RYR3: variants seen among roughly 807,000 people sequenced by gnomAD.
The protein encoded by RYR3 is ryanodine receptor 3.
A neutral mutation model predicts 584.3 loss-of-function variants in RYR3; 207 were observed. The ratio of observed to expected loss-of-function variants is 0.35; its 90% CI spans 0.32 to 0.40. The LOEUF (loss-of-function observed/expected upper bound fraction) is 0.40. Among genes scored for constraint, RYR3 ranks in the 10% least tolerant of loss-of-function variants. The pLI is 1.00. For synonymous variants in RYR3, 2,416 were observed against 2,248.5 expected (o/e 1.07, Z -2.11); for missense variants, 5,616 against 6,089.2 (o/e 0.92, Z 2.59).
rs749674166 is a variant in RYR3, at chr15:33,771,979, A to G, written c.8876A>G (p.Asn2959Ser). ...VKAGLRAFFE[N>S]AAEDLEKTSE... ...GCTGGGTTACGAGCATTCTTTGAAA[A>G]TGCTGCAGAAGATTTGGAGAAGACT... The change falls in exon 63 of 104, where the codon AAT (asparagine) becomes AGT (serine). Residue 2959 changes from asparagine (N) to serine (S), a missense_variant. By Grantham distance (46) the Asn-to-Ser change is conservative. This residue lies in a region of RYR3 where 954 missense variants were observed against 1,132.2 expected (regional missense o/e 0.84). Transcript: ENST00000634891. 50 of 1,613,538 alleles carry G rather than the reference A, an allele frequency of 3.1e-5. No homozygotes were observed. The highest frequency in any genetic ancestry group is 4.0e-5 in the African/African-American group (3 of 74,936).
At chr15:33,780,428 C>A in intron 65 of RYR3, 87 bp downstream of exon 65, 1 of 1,406,108 alleles carries the variant, frequency 7.1e-7, no homozygotes, top group Non-Finnish European at 9.8e-7. Flanking sequence ...AGCCCTGCAG[C>A]ACTGTGGCTT....
At chr15:33,420,052 T>C (rs544141713) in intron 1 of RYR3, among the ~76,000 whole-genome samples, 20 of 152,234 alleles carry the variant, frequency 1.3e-4, no homozygotes, top group African/African-American at 4.8e-4. Context: ...AAGACTGTTA[T>C]GATGCCTCTA....
chr15:33,598,786 G>T (rs1285051171), intron 16 of RYR3, among the ~76,000 whole-genome samples: 1 of 151,936 alleles, frequency 6.6e-6, no homozygotes, highest in Non-Finnish European at 1.5e-5. Context: ...GGGTGCAGTG[G>T]CTCACGCCTG....
chr15:33,595,369 T>C (rs2059321691), intron 16 of RYR3, among the ~76,000 whole-genome samples: 1 of 152,208 alleles, frequency 6.6e-6, no homozygotes, highest in Admixed American at 6.5e-5. Context: ...GTAAGCCTTT[T>C]GTAACCTTTA....
Position 33,707,009 on chromosome 15 carries a change from G to A in RYR3, c.6574G>A (p.Gly2192Arg). 1 of 1,614,010 alleles carries A rather than the reference G, an allele frequency of 6.2e-7. No homozygotes were observed. Among genetic ancestry groups the A allele is most frequent in the Non-Finnish European group, 8.5e-7 (1 of 1,179,938 alleles). ...YPDVGWNPIE[G>R]ERYLSFLRFA... The stretch of plus-strand genomic sequence containing the variant: ...TGATGTCGGCTGGAACCCCATTGAA[G>A]GGGAACGCTACCTGTCCTTCCTGAG... Residue 2192 changes from glycine to arginine, a missense_variant, in exon 43 of 104, where the codon GGG (glycine) becomes AGG (arginine). This residue lies in a region of RYR3 where 1,280 missense variants were observed against 1,426.2 expected (regional missense o/e 0.90). Coordinates refer to ENST00000634891, the MANE Select transcript of RYR3 (RefSeq NM_001036.6).
chr15:33,571,212 C>G (rs2058010806), intron 12 of RYR3, among the ~76,000 whole-genome samples: 1 of 152,188 alleles, frequency 6.6e-6, no homozygotes, highest in Admixed American at 6.5e-5. Flanking sequence ...GCGATATTGA[C>G]TGTAGGGTTT....
intron 51 of RYR3, among the ~76,000 whole-genome samples, chr15:33,741,826 G>T (rs2070163749): frequency 6.6e-6 from 1 of 152,084 alleles, no homozygotes; most frequent in South Asian, 2.1e-4. Flanking sequence ...GTGTTAGCCA[G>T]GATGGTCTCG....
At chr15:33,707,964 C>A (rs1000175393) in intron 43 of RYR3, among the ~76,000 whole-genome samples, 1 of 152,152 alleles carries the variant, frequency 6.6e-6, no homozygotes, top group Non-Finnish European at 1.5e-5. Flanking sequence ...TAAATGGTTT[C>A]TTTTCTCCTT....
intron 12 of RYR3, among the ~76,000 whole-genome samples, chr15:33,578,779 C>CCA (rs2058440737): frequency 1.4e-5 from 1 of 71,854 alleles, no homozygotes; most frequent in Non-Finnish European, 4.1e-5. Flanking sequence ...AAAAAAAAAA[C>CCA]AACAACAAAA....
At position 33,794,026 on chromosome 15, in the gene RYR3, A is replaced by AAATATATACATATTATATAT. The variant is rs1567183513; in HGVS notation, c.9830+5580_9830+5581insTTATATATAATATATACATA. Among the ~76,000 whole-genome samples the AAATATATACATATTATATAT allele has an allele frequency of 1.7e-4, 20 of 119,598 alleles. No homozygotes were observed. In the East Asian group the frequency reaches 5.3e-3, roughly 31 times the overall value. The allele number at this position is 119,598 out of a possible 152,430, so 78.5% of individuals were successfully genotyped here. ...ATACACATAAATATATATTATATAT[A>AAATATATACATATTATATAT]AATATATACATAAATACATATATAT... On this transcript the variant is annotated intron_variant, in intron 67 of 103. Coordinates refer to ENST00000634891, the MANE Select transcript of RYR3 (RefSeq NM_001036.6).
chr15:33,449,561 T>G (rs189072359), intron 1 of RYR3, among the ~76,000 whole-genome samples: 290 of 152,316 alleles, frequency 1.9e-3, no homozygotes, highest in African/African-American at 6.7e-3. Flanking sequence ...GGGCAGAATA[T>G]TAAATATATT....
Position 33,593,925 on chromosome 15 carries a change from T to C in RYR3, c.1789-7494T>C, listed in dbSNP as rs1043816698. The stretch of plus-strand genomic sequence containing the variant: ...ACAGTGCAGCAAGGGTAATTAGTTT[T>C]TACATAGGCTTTTAAATGGGCTTTG... On this transcript the variant is annotated intron_variant, in intron 16 of 103. Coordinates refer to ENST00000634891, the MANE Select transcript of RYR3 (RefSeq NM_001036.6). 1.1e-4 allele frequency among the ~76,000 whole-genome samples: 16 copies of C among 152,182 alleles called. No homozygotes were observed. In the East Asian group the frequency reaches 3.1e-3, roughly 29 times the overall value.
In RYR3 at chr15:33,825,737, TTTTTTTTTTC is replaced by T. The variant is rs1389925115; in HGVS notation, c.11146+62_11146+71del. The T allele has an allele frequency of 4.8e-4, 380 of 793,206 alleles. No individual in the cohort carries two copies. The East Asian group carries it at 8.6e-3, about 18-fold the overall frequency. 49.1% of individuals were successfully genotyped at this position (793,206 alleles called of 1,614,324 possible). A position where few individuals can be genotyped will look rare whatever the true frequency, so the allele number is the denominator to read the frequency against. ...CTGATTAAAATCTTTTTTTTTTTTT[TTTTTTTTTTC>T]CCCATACAGAGTTTCGCTCTTGTTG... On this transcript the variant is annotated intron_variant, in intron 82 of 103. Coordinates refer to ENST00000634891, the MANE Select transcript of RYR3 (RefSeq NM_001036.6).
At chr15:33,503,991 A>G (rs1479288344) in intron 3 of RYR3, among the ~76,000 whole-genome samples, 1 of 152,216 alleles carries the variant, frequency 6.6e-6, no homozygotes, top group Non-Finnish European at 1.5e-5. Flanking sequence ...CAGGATGTTA[A>G]GCCTACTCCC....
chr15:33,675,525 C>T (rs910787218), intron 38 of RYR3, among the ~76,000 whole-genome samples: 2 of 152,148 alleles, frequency 1.3e-5, no homozygotes, highest in African/African-American at 4.8e-5. Flanking sequence ...GAGCACAGGG[C>T]TCCGGAGTTA....
intron 38 of RYR3, among the ~76,000 whole-genome samples, chr15:33,691,615 A>G (rs2065440926): frequency 1.3e-5 from 2 of 152,176 alleles, no homozygotes; most frequent in African/African-American, 4.8e-5. Flanking sequence ...TTCAGCTCAC[A>G]ACTCCATCAC....
chr15:33,629,409 C>T (rs892780943), intron 21 of RYR3, among the ~76,000 whole-genome samples: 1 of 152,122 alleles, frequency 6.6e-6, no homozygotes. Flanking sequence ...TAAATAATTT[C>T]TTATATTGAT....
intron 12 of RYR3, among the ~76,000 whole-genome samples, chr15:33,575,908 TA>T (rs1441043128): frequency 6.6e-6 from 1 of 150,606 alleles, no homozygotes; most frequent in South Asian, 2.1e-4. Context: ...ATAGACACAA[TA>T]AAAAATGATA....
At chr15:33,400,459 C>T (rs2042579234) in intron 1 of RYR3, among the ~76,000 whole-genome samples, 1 of 152,140 alleles carries the variant, frequency 6.6e-6, no homozygotes, top group Admixed American at 6.5e-5. Flanking sequence ...ACACCTGAGT[C>T]TTTTTGCATT....
Sources: gnomAD v4.1 joint callset for allele counts (sites outside exome capture counted in the v4.1 genomes callset) on GRCh38, gnomAD v4.1.1 for gene constraint, gnomAD v4.1.1 regional missense constraint, MANE v1.5 for transcripts, NCBI Gene and HGNC (gene_info 2026-07-23, HGNC 2026-07-21) for gene names.